Variants in PCDH9 observed in about 807,000 individuals in gnomAD.
The protein encoded by PCDH9 is protocadherin-9.
PCDH9 carries 24 observed loss-of-function variants against 70.6 expected under a neutral mutation model. That is an observed-to-expected ratio of 0.34 (90% CI 0.25 to 0.48). PCDH9 has a LOEUF of 0.48. Among genes scored for constraint, PCDH9 ranks in the 20% least tolerant of loss-of-function variants. PCDH9 has a pLI of 0.99. For synonymous variants in PCDH9, 562 were observed against 558.5 expected, an observed-to-expected ratio of 1.01 and a Z score of -0.09; for missense variants, 1,281 against 1,503.6, an observed-to-expected ratio of 0.85 and a Z score of 2.45.
At chr13:66,338,224 T>G (rs1956068577) in intron 4 of PCDH9, among the ~76,000 whole-genome samples, 2 of 152,094 alleles carry the variant, frequency 1.3e-5, no homozygotes, top group Admixed American at 1.3e-4. Context: ...TTCCCGCTCT[T>G]TCTTTTTCCT....
At chr13:66,509,686 C>G (rs1408762933) in intron 4 of PCDH9, among the ~76,000 whole-genome samples, 1 of 152,090 alleles carries the variant, frequency 6.6e-6, no homozygotes, top group Non-Finnish European at 1.5e-5. Context: ...CTCCTGGGCT[C>G]AAGAAATCCT....
chr13:66,400,839 T>C (rs1263457311), intron 4 of PCDH9, among the ~76,000 whole-genome samples: 1 of 152,138 alleles, frequency 6.6e-6, no homozygotes, highest in Non-Finnish European at 1.5e-5. Context: ...AAAAAAATAG[T>C]CTAGTGGATT....
At chr13:66,994,623 T>C (rs1022272964) in intron 2 of PCDH9, among the ~76,000 whole-genome samples, 1 of 152,170 alleles carries the variant, frequency 6.6e-6, no homozygotes, top group Non-Finnish European at 1.5e-5. Context: ...ACTCCAGAAA[T>C]AGAGCTGAGC....
chr13:66,360,439 TC>T (rs559944760), intron 4 of PCDH9, among the ~76,000 whole-genome samples: 51 of 152,132 alleles, frequency 3.4e-4, no homozygotes, highest in Non-Finnish European at 6.5e-4. Context: ...ATGCCTATTC[TC>T]TACTAAAACA....
chr13:66,677,119 T>C (rs1337538980), intron 3 of PCDH9, among the ~76,000 whole-genome samples: 1 of 152,084 alleles, frequency 6.6e-6, no homozygotes, highest in Non-Finnish European at 1.5e-5. Flanking sequence ...TCAGAGTACC[T>C]GTCATCCTAA....
chr13:66,988,758 A>T (rs2083943251), intron 2 of PCDH9, among the ~76,000 whole-genome samples: 2 of 152,138 alleles, frequency 1.3e-5, no homozygotes, highest in African/African-American at 4.8e-5. Flanking sequence ...TGAAGAAATG[A>T]ACGTCTAGAA....
At chr13:67,159,485 C>T (rs1027416142) in intron 2 of PCDH9, among the ~76,000 whole-genome samples, 1 of 151,996 alleles carries the variant, frequency 6.6e-6, no homozygotes, top group African/African-American at 2.4e-5. Context: ...ATGGAATTTA[C>T]AAAAAGAAAA....
chr13:66,658,512 TC>T (rs1184758263), intron 3 of PCDH9, among the ~76,000 whole-genome samples: 1 of 152,148 alleles, frequency 6.6e-6, no homozygotes, highest in Non-Finnish European at 1.5e-5. Context: ...CATATAGCAA[TC>T]AATTTTATCT....
intron 3 of PCDH9, among the ~76,000 whole-genome samples, chr13:66,699,007 C>T (rs2078601017): frequency 6.7e-6 from 1 of 148,568 alleles, no homozygotes; most frequent in Non-Finnish European, 1.5e-5. Flanking sequence ...CTCCACCTCT[C>T]AGATTCAAGC....
intron 2 of PCDH9, among the ~76,000 whole-genome samples, chr13:67,055,000 G>A (rs1015078451): frequency 1.1e-4 from 16 of 152,296 alleles, no homozygotes; most frequent in African/African-American, 3.8e-4. Context: ...AATTTATCTT[G>A]AGGGTCTAAA....
intron 3 of PCDH9, among the ~76,000 whole-genome samples, chr13:66,802,931 T>C (rs1023446873): frequency 3.9e-5 from 6 of 152,128 alleles, no homozygotes; most frequent in Non-Finnish European, 7.4e-5. Context: ...ACCAGGTATT[T>C]AGGAACTCTA....
intron 2 of PCDH9, chr13:67,213,410 T>C (rs2089519680): frequency 6.6e-6 from 1 of 151,810 alleles, no homozygotes; most frequent in Non-Finnish European, 1.5e-5. Flanking sequence ...TGAATCCAAA[T>C]CCTTAAAGCC....
At chr13:66,834,193 T>G (rs1415524147) in intron 3 of PCDH9, among the ~76,000 whole-genome samples, 1 of 143,600 alleles carries the variant, frequency 7.0e-6, no homozygotes, top group African/African-American at 2.5e-5. Flanking sequence ...AGTCTCACTC[T>G]ATTGCCAAGG....
chr13:67,119,525 A>G (rs2086838780), intron 2 of PCDH9, among the ~76,000 whole-genome samples: 1 of 152,186 alleles, frequency 6.6e-6, no homozygotes, highest in Non-Finnish European at 1.5e-5. Flanking sequence ...TTCAGTAATG[A>G]ACTAGCACAG....
intron 2 of PCDH9, among the ~76,000 whole-genome samples, chr13:67,046,680 A>G (rs956095216): frequency 6.6e-6 from 1 of 152,106 alleles, no homozygotes; most frequent in Non-Finnish European, 1.5e-5. Context: ...TAAAATTGGT[A>G]TATCAATGGT....
At chr13:66,653,406 A>C (rs558515073) in intron 3 of PCDH9, among the ~76,000 whole-genome samples, 8 of 152,316 alleles carry the variant, frequency 5.3e-5, no homozygotes, top group African/African-American at 1.9e-4. Flanking sequence ...AGGTAAATGA[A>C]AAGGTGCTCA....
At chr13:67,148,591 T>C (rs931342543) in intron 2 of PCDH9, among the ~76,000 whole-genome samples, 1 of 152,206 alleles carries the variant, frequency 6.6e-6, no homozygotes, top group Admixed American at 6.5e-5. Flanking sequence ...TAATTACCAC[T>C]TTTCTGCATC....
At chr13:67,058,847 T>C (rs1350217231) in intron 2 of PCDH9, among the ~76,000 whole-genome samples, 1 of 152,096 alleles carries the variant, frequency 6.6e-6, no homozygotes, top group Admixed American at 6.6e-5. Flanking sequence ...AAATATATGC[T>C]TTCTAATAAT....
chr13:66,567,470 T>C (rs2076670270), intron 4 of PCDH9, among the ~76,000 whole-genome samples: 1 of 152,184 alleles, frequency 6.6e-6, no homozygotes, highest in Non-Finnish European at 1.5e-5. Flanking sequence ...CTTCAATGTG[T>C]TCCATATTTA....
Sources: gnomAD v4.1 joint callset for allele counts (sites outside exome capture counted in the v4.1 genomes callset) on GRCh38, gnomAD v4.1.1 for gene constraint, MANE v1.5 for transcripts, NCBI Gene and HGNC (gene_info 2026-07-23, HGNC 2026-07-21) for gene names.